The following ICE2 variants were observed in gnomAD, a reference collection of about 807,000 sequenced individuals.
ICE2 encodes interactor of little elongation complex ELL subunit 2, also known as little elongation complex subunit 2.
ICE2 carries 87 observed loss-of-function variants against 105.4 expected under a neutral mutation model. The observed-to-expected ratio is 0.83, with a 90% confidence interval of 0.69 to 0.99. ICE2 has a LOEUF of 0.99. Ranked by LOEUF, ICE2 falls within the 50% of genes least tolerant of loss-of-function variation. ICE2 has a pLI of 0.00. For missense variants in ICE2, 1,323 were observed against 1,146.7 expected (o/e 1.15, Z -2.22); for synonymous variants, 399 against 392.0 (o/e 1.02, Z -0.21).
chr15:60,429,415 T>G (rs1464856135), intron 14 of ICE2, among the ~76,000 whole-genome samples: 1 of 152,210 alleles, frequency 6.6e-6, no homozygotes, highest in African/African-American at 2.4e-5. Flanking sequence ...CCACAGGCCA[T>G]ACCCTTAATC....
intron 15 of ICE2, among the ~76,000 whole-genome samples, chr15:60,427,050 G>A (rs2063352897): frequency 6.6e-6 from 1 of 152,038 alleles, no homozygotes; most frequent in Non-Finnish European, 1.5e-5. Context: ...TATTTTCTTG[G>A]CCAAAGCTAA....
At chr15:60,476,921 C>T (rs894207710) in intron 2 of ICE2, among the ~76,000 whole-genome samples, 4 of 152,142 alleles carry the variant, frequency 2.6e-5, no homozygotes, top group Non-Finnish European at 4.4e-5. Context: ...TCCACAATGC[C>T]GGTGGTATAC....
chr15:60,421,999 A>G lies in ICE2; in HGVS notation c.*1635T>C, dbSNP rs528660301. 1 of 83,388 alleles carries G rather than the reference A, an allele frequency of 1.2e-5. No homozygotes were observed. The highest frequency in any genetic ancestry group is 3.0e-5 in the Non-Finnish European group (1 of 33,264). The allele number at this position is 83,388 out of a possible 1,614,324, so 5.2% of individuals were successfully genotyped here. ...CAGAAATTAGGCCAAAAGAATAGCT[A>G]TTCTTTACACAGAATAGCTAAAAAA... On this transcript the variant is annotated 3_prime_UTR_variant, in exon 16 of 16. Transcript: ENST00000261520.
intron 12 of ICE2, among the ~76,000 whole-genome samples, chr15:60,436,807 A>G: frequency 6.6e-6 from 1 of 151,916 alleles, no homozygotes; most frequent in African/African-American, 2.4e-5. Flanking sequence ...GTATTATCAT[A>G]ATATGTATTT....
intron 4 of ICE2, among the ~76,000 whole-genome samples, chr15:60,466,971 G>A (rs918452418): frequency 6.6e-6 from 1 of 152,098 alleles, no homozygotes; most frequent in Non-Finnish European, 1.5e-5. Flanking sequence ...ATAAAATGCT[G>A]TCAAAAAAAA....
chr15:60,449,968 T>C (rs778966123), intron 9 of ICE2, 127 bp from the exon 10 acceptor site: 69 of 699,514 alleles, frequency 9.9e-5, no homozygotes, highest in Non-Finnish European at 1.5e-4. Flanking sequence ...CTAATGGTTG[T>C]AAAAGGTTCT....
intron 12 of ICE2, among the ~76,000 whole-genome samples, chr15:60,436,511 GAAC>G (rs1279287881): frequency 6.6e-6 from 1 of 151,690 alleles, no homozygotes; most frequent in African/African-American, 2.4e-5. Flanking sequence ...TACAATTTAT[GAAC>G]AACAACTATT....
rs1372570499 is a variant in ICE2 at position 60,456,580 on chromosome 15, TATATAC to T, written c.666+71_666+76del. 1.6e-4 allele frequency: 19 copies of T among 118,886 alleles called. 1 individual carries two copies. The highest frequency in any genetic ancestry group is 4.5e-4 in the Admixed American group (3 of 6,678). The allele number at this position is 118,886 out of a possible 1,614,324, so 7.4% of individuals were successfully genotyped here. The stretch of plus-strand genomic sequence containing the variant: ...ATAAATAAATAAATATATATATATA[TATATAC>T]ACACACACACACACACACACACACT... On this transcript the variant is annotated intron_variant, in intron 6 of 15. Transcript: ENST00000261520.
intron 4 of ICE2, among the ~76,000 whole-genome samples, chr15:60,466,921 G>A (rs2064446781): frequency 1.3e-5 from 2 of 152,120 alleles, no homozygotes. Context: ...AAATGACTAA[G>A]ACTATACAAT....
intron 13 of ICE2, among the ~76,000 whole-genome samples, chr15:60,435,127 A>G (rs964307684): frequency 4.6e-5 from 7 of 151,886 alleles, no homozygotes; most frequent in Non-Finnish European, 8.8e-5. Flanking sequence ...TAAAAATACA[A>G]AAACTTAGCT....
chr15:60,428,650 C>T lies in ICE2; in HGVS notation c.2599G>A (p.Glu867Lys), dbSNP rs773058782. 2 of 1,614,104 alleles carry T rather than the reference C, an allele frequency of 1.2e-6. No individual in the cohort carries two copies. The highest frequency in any genetic ancestry group is 2.2e-5 in the South Asian group (2 of 91,082). The change falls in exon 15 of 16, where the codon GAA (glutamate) becomes AAA (lysine). Residue 867 changes from glutamate to lysine, a missense_variant. Glu to Lys is a moderately conservative substitution (Grantham distance 56). Transcript: ENST00000261520. ...EGSYLLSHAA[E>K]DSSLLIYKAS... Reference sequence around the variant, plus strand: ...TTATAAATCAGGAGTGAAGAATCTTCTGCTGCATGAGATAACAAGTAGGAA... The same window carrying T: ...TTATAAATCAGGAGTGAAGAATCTTTTGCTGCATGAGATAACAAGTAGGAA...
intron 13 of ICE2, among the ~76,000 whole-genome samples, chr15:60,435,053 C>T (rs530579812): frequency 1.1e-4 from 16 of 152,034 alleles, no homozygotes; most frequent in African/African-American, 1.7e-4. Context: ...GAGGCCGAGG[C>T]GGGTGGATCA....
intron 5 of ICE2, among the ~76,000 whole-genome samples, chr15:60,460,294 C>T (rs988306931): frequency 1.3e-5 from 2 of 152,140 alleles, no homozygotes; most frequent in Admixed American, 6.5e-5. Context: ...GTCAGGAGTT[C>T]GAGGCCAGCC....
chr15:60,419,873 T>C lies in ICE2; in HGVS notation c.*3761A>G, dbSNP rs2063225343. On this transcript the variant is annotated 3_prime_UTR_variant, in exon 16 of 16. Coordinates refer to ENST00000261520, the MANE Select transcript of ICE2 (RefSeq NM_024611.6). Reference sequence around the variant, plus strand: ...CCCTCCCCTAAACCTGTTCATAGCATATGTGATTTAAAAATATGTTCACAA... The same window carrying C: ...CCCTCCCCTAAACCTGTTCATAGCACATGTGATTTAAAAATATGTTCACAA... The C allele has an allele frequency of 2.6e-5, 4 of 152,224 alleles. No homozygotes were observed. Among genetic ancestry groups the C allele is most frequent in the Admixed American group, 2.6e-4 (4 of 15,276 alleles). The allele number at this position is 152,224 out of a possible 1,614,324, so 9.4% of individuals were successfully genotyped here.
chr15:60,432,607 C>A (rs1450326340), intron 13 of ICE2, among the ~76,000 whole-genome samples: 1 of 150,930 alleles, frequency 6.6e-6, no homozygotes, highest in Admixed American at 6.6e-5. Context: ...AAAAAAAAAA[C>A]GCTGGCCGGG....
chr15:60,446,410 T>G (rs1363612844), intron 11 of ICE2, among the ~76,000 whole-genome samples: 4 of 152,158 alleles, frequency 2.6e-5, no homozygotes, highest in African/African-American at 4.8e-5. Flanking sequence ...TAAAAATTTT[T>G]TTTGAGATAG....
At chr15:60,473,049 T>A (rs2064650810) in intron 3 of ICE2, among the ~76,000 whole-genome samples, 1 of 151,900 alleles carries the variant, frequency 6.6e-6, no homozygotes, top group South Asian at 2.1e-4. Flanking sequence ...GGTCAAGTGA[T>A]CCTCCTACCT....
At chr15:60,453,553 A>C (rs747662395) in intron 9 of ICE2, 50 bp downstream of exon 9, 26 of 1,586,208 alleles carry the variant, frequency 1.6e-5, no homozygotes, top group Non-Finnish European at 1.9e-5. Context: ...TATGCTTCAA[A>C]AGGATAAACA....
At chr15:60,441,647 A>G (rs973679719) in intron 12 of ICE2, 2 of 152,244 alleles carry the variant, frequency 1.3e-5, no homozygotes, top group Non-Finnish European at 2.9e-5. Flanking sequence ...GAGCAGTCTG[A>G]GATGATTAGA....
Sources: gnomAD v4.1 joint callset for allele counts (sites outside exome capture counted in the v4.1 genomes callset) on GRCh38, gnomAD v4.1.1 for gene constraint, MANE v1.5 for transcripts, NCBI Gene and HGNC (gene_info 2026-07-23, HGNC 2026-07-21) for gene names.